SLC7A2: variants seen among roughly 807,000 people sequenced by gnomAD.
SLC7A2 encodes solute carrier family 7 member 2, also known as cationic amino acid transporter 2.
In SLC7A2, 48 loss-of-function variants were observed where a neutral mutation model predicts 58.9. The observed-to-expected ratio is 0.82, with a 90% CI of 0.65 to 1.04. SLC7A2 has a LOEUF of 1.04. Among genes scored for constraint, SLC7A2 ranks in the 50% least tolerant of loss-of-function variants. The probability of loss-of-function intolerance (pLI) is 0.00; values close to 1 mark genes in which losing one functional copy is unlikely to be tolerated. For synonymous variants in SLC7A2, 363 were observed against 314.5 expected, an observed-to-expected ratio of 1.15 and a Z score of -1.63; for missense variants, 1,029 against 818.8, an observed-to-expected ratio of 1.26 and a Z score of -3.13.
intron 2 of SLC7A2, among the ~76,000 whole-genome samples, chr8:17,514,801 C>A (rs1800737934): frequency 6.6e-6 from 1 of 152,156 alleles, no homozygotes; most frequent in African/African-American, 2.4e-5. Context: ...AGAATCATAG[C>A]AGTAATGAGC....
chr8:17,495,158 C>T (rs1799926824), upstream of SLC7A2, among the ~76,000 whole-genome samples: 2 of 152,082 alleles, frequency 1.3e-5, no homozygotes, highest in Non-Finnish European at 2.9e-5. Flanking sequence ...TTATTTTAAT[C>T]AATGTTGACC....
intron 2 of SLC7A2, among the ~76,000 whole-genome samples, chr8:17,542,650 C>CA (rs148911251): frequency 0.03 from 4,037 of 135,064 alleles, 131 homozygotes; most frequent in African/African-American, 0.084. Flanking sequence ...GACCCTGTCT[C>CA]AAAAAAAAAA....
intron 2 of SLC7A2, among the ~76,000 whole-genome samples, chr8:17,542,391 G>T (rs896594835): frequency 2.6e-5 from 4 of 152,110 alleles, no homozygotes; most frequent in African/African-American, 4.8e-5. Flanking sequence ...TGGTTCATGC[G>T]TGTAATCCCA....
intron 2 of SLC7A2, among the ~76,000 whole-genome samples, chr8:17,524,689 C>T (rs964323590): frequency 3.3e-5 from 5 of 152,086 alleles, no homozygotes; most frequent in Admixed American, 2.6e-4. Context: ...GGATAAAAGA[C>T]TACACACTGG....
At chr8:17,526,488 CT>C (rs57177531) in intron 2 of SLC7A2, among the ~76,000 whole-genome samples, 4,798 of 152,176 alleles carry the variant, frequency 0.032, 258 homozygotes, top group African/African-American at 0.11. Flanking sequence ...GAGAGAGAAC[CT>C]CACTGTTAAA....
At chr8:17,558,929 C>A (rs757304917) in intron 9 of SLC7A2, among the ~76,000 whole-genome samples, 1 of 152,066 alleles carries the variant, frequency 6.6e-6, no homozygotes, top group Non-Finnish European at 1.5e-5. Flanking sequence ...TATATAGTGT[C>A]TGAACTTATT....
intron 2 of SLC7A2, among the ~76,000 whole-genome samples, chr8:17,518,548 C>G (rs779835485): frequency 1.3e-5 from 2 of 152,174 alleles, no homozygotes; most frequent in African/African-American, 2.4e-5. Flanking sequence ...AAATTCTGAG[C>G]TCTGGAAAAA....
intron 2 of SLC7A2, among the ~76,000 whole-genome samples, chr8:17,536,363 G>A (rs942991576): frequency 7.2e-5 from 11 of 152,106 alleles, no homozygotes; most frequent in African/African-American, 2.2e-4. Flanking sequence ...TCAGGAGTTC[G>A]AAACCAGCCT....
chr8:17,530,169 A>T (rs73566059), intron 2 of SLC7A2, among the ~76,000 whole-genome samples: 2 of 151,850 alleles, frequency 1.3e-5, no homozygotes, highest in African/African-American at 4.8e-5. Flanking sequence ...TTAATTTTCT[A>T]CGTTCCCCCC....
chr8:17,529,402 C>G (rs919792241), intron 2 of SLC7A2, among the ~76,000 whole-genome samples: 7 of 152,102 alleles, frequency 4.6e-5, no homozygotes, highest in African/African-American at 1.2e-4. Context: ...ATATATATAG[C>G]AGTTTTCCCT....
intron 11 of SLC7A2, among the ~76,000 whole-genome samples, chr8:17,562,323 G>A (rs2720557): frequency 0.95 from 143,974 of 151,340 alleles, 68,920 homozygotes; most frequent in East Asian, 1. Flanking sequence ...CTCCTGCCTC[G>A]GACTCCCCAG....
At position 17,560,472 on chromosome 8, in the gene SLC7A2, C is replaced by T. The variant is rs755814062; in HGVS notation, c.1443C>T (p.Cys481=). The change falls in exon 10 of 13, where the codon TGC becomes TGT. Residue 481 remains cysteine (C), a synonymous_variant. Transcript: ENST00000494857. Reference sequence around the variant, plus strand: ...GCTTCAGCATGCGGACCCTCTTCTGCCCCTCCCTTCTGCCAACACAGCAGT... The same window carrying T: ...GCTTCAGCATGCGGACCCTCTTCTGTCCCTCCCTTCTGCCAACACAGCAGT... ...RQGFSMRTLF[C]PSLLPTQQSA... 6 of 1,613,984 alleles carry T rather than the reference C, an allele frequency of 3.7e-6. No individual in the cohort carries two copies. The highest frequency in any genetic ancestry group is 5.1e-6 in the Non-Finnish European group (6 of 1,179,908).
chr8:17,527,904 C>T (rs1375539731), intron 2 of SLC7A2, among the ~76,000 whole-genome samples: 3 of 152,130 alleles, frequency 2.0e-5, no homozygotes, highest in Non-Finnish European at 4.4e-5. Flanking sequence ...TAAAATCTGT[C>T]TTCATCTAAG....
chr8:17,507,894 T>C (rs560157025), intron 2 of SLC7A2, among the ~76,000 whole-genome samples: 1 of 152,284 alleles, frequency 6.6e-6, no homozygotes, highest in South Asian at 2.1e-4. Context: ...AATTAATATA[T>C]TTGGATAAGC....
At chr8:17,495,435 CTT>C (rs1467082054), upstream of SLC7A2, among the ~76,000 whole-genome samples, 1 of 152,130 alleles carries the variant, frequency 6.6e-6, no homozygotes, top group Non-Finnish European at 1.5e-5. Flanking sequence ...CATAAGGAAT[CTT>C]TTTTTGACTG....
chr8:17,505,158 C>T (rs1328357959), intron 2 of SLC7A2, among the ~76,000 whole-genome samples: 1 of 151,274 alleles, frequency 6.6e-6, no homozygotes, highest in Non-Finnish European at 1.5e-5. Flanking sequence ...TAAACTGTGC[C>T]TCTTCCCTCT....
chr8:17,561,676 G>A (rs1354273425), intron 10 of SLC7A2, among the ~76,000 whole-genome samples: 2 of 152,228 alleles, frequency 1.3e-5, no homozygotes, highest in Non-Finnish European at 2.9e-5. Flanking sequence ...TGGCACGTGG[G>A]CAGATAATGC....
chr8:17,538,627 C>G (rs930714420), intron 2 of SLC7A2: 1 of 541,192 alleles, frequency 1.8e-6, no homozygotes, highest in South Asian at 2.6e-5. Context: ...ATTATTTAAC[C>G]CACGTTATAA....
At chr8:17,501,790 G>A (rs1304119113) in intron 1 of SLC7A2, among the ~76,000 whole-genome samples, 2 of 151,516 alleles carry the variant, frequency 1.3e-5, no homozygotes, top group African/African-American at 4.9e-5. Context: ...CTGCGTACTA[G>A]CCCCCCTCTA....
Sources: allele counts gnomAD v4.1 joint callset (sites outside exome capture counted in the v4.1 genomes callset), GRCh38; gene constraint gnomAD v4.1.1; transcripts MANE v1.5; gene names NCBI Gene and HGNC (gene_info 2026-07-23, HGNC 2026-07-21).